LOC122539214: variants seen among roughly 807,000 people sequenced by gnomAD.
chr19:52,682,922 G>C, the LOC122539214 span, among the ~76,000 whole-genome samples: 1 of 152,126 alleles, frequency 6.6e-6, no homozygotes, highest in Non-Finnish European at 1.5e-5. Flanking sequence ...CCAGGCTGGA[G>C]TACAGTGGCA....
the LOC122539214 span, among the ~76,000 whole-genome samples, chr19:52,672,245 A>C: frequency 6.6e-6 from 1 of 152,208 alleles, no homozygotes; most frequent in African/African-American, 2.4e-5. Flanking sequence ...AAAAAATAAA[A>C]ATAAAAATAA....
chr19:52,683,226 C>CTGTGTGTG, the LOC122539214 span, among the ~76,000 whole-genome samples: 6 of 135,652 alleles, frequency 4.4e-5, no homozygotes, highest in African/African-American at 1.6e-4. Flanking sequence ...TGCCCTGTGA[C>CTGTGTGTG]TCTGTGTGTG....
the LOC122539214 span, among the ~76,000 whole-genome samples, chr19:52,659,079 T>A: frequency 6.6e-6 from 1 of 152,152 alleles, no homozygotes; most frequent in South Asian, 2.1e-4. Flanking sequence ...TGGGCCAGGG[T>A]CCGTGGGCAG....
chr19:52,685,930 A>C, the LOC122539214 span, among the ~76,000 whole-genome samples: 1 of 150,330 alleles, frequency 6.7e-6, no homozygotes, highest in African/African-American at 2.4e-5. Context: ...AAAAAAATAC[A>C]GGAGTGCTTC....
At chr19:52,668,713 A>G in the LOC122539214 span, among the ~76,000 whole-genome samples, 1 of 152,236 alleles carries the variant, frequency 6.6e-6, no homozygotes, top group African/African-American at 2.4e-5. Flanking sequence ...AAATGGATCA[A>G]ATATTCCCTC....
the LOC122539214 span, among the ~76,000 whole-genome samples, chr19:52,664,438 G>A: frequency 6.6e-6 from 1 of 152,050 alleles, no homozygotes; most frequent in Non-Finnish European, 1.5e-5. Flanking sequence ...TTATGCTGCG[G>A]TGAGCTCTGA....
At chr19:52,674,677 T>C in the LOC122539214 span, among the ~76,000 whole-genome samples, 1 of 151,348 alleles carries the variant, frequency 6.6e-6, no homozygotes. Flanking sequence ...TTCTAGAGAA[T>C]TTAAACTAAG....
At chr19:52,683,646 G>GACT in the LOC122539214 span, among the ~76,000 whole-genome samples, 1 of 152,194 alleles carries the variant, frequency 6.6e-6, no homozygotes, top group African/African-American at 2.4e-5. Context: ...GATGCCTCAG[G>GACT]ACTGGCTGAA....
the LOC122539214 span, among the ~76,000 whole-genome samples, chr19:52,673,063 C>T: frequency 2.4e-4 from 37 of 151,462 alleles, no homozygotes; most frequent in Non-Finnish European, 4.9e-4. Context: ...ACCAAAAATA[C>T]AAAAAAAACT....
At chr19:52,688,125 A>T in the LOC122539214 span, among the ~76,000 whole-genome samples, 1 of 152,006 alleles carries the variant, frequency 6.6e-6, no homozygotes, top group East Asian at 1.9e-4. Context: ...GTCACAACTA[A>T]TCATAGCCAA....
the LOC122539214 span, among the ~76,000 whole-genome samples, chr19:52,669,664 T>C: frequency 6.6e-6 from 1 of 152,078 alleles, no homozygotes; most frequent in South Asian, 2.1e-4. Flanking sequence ...AACTCAGGGG[T>C]AAATGACCCC....
chr19:52,673,349 C>A, the LOC122539214 span, among the ~76,000 whole-genome samples: 17 of 151,988 alleles, frequency 1.1e-4, no homozygotes, highest in African/African-American at 4.1e-4. Flanking sequence ...TAAAAAAATA[C>A]AAAATTAGCC....
At chr19:52,673,812 C>T in the LOC122539214 span, among the ~76,000 whole-genome samples, 3 of 151,268 alleles carry the variant, frequency 2.0e-5, no homozygotes, top group East Asian at 2.0e-4. Context: ...GTCAAAAGTT[C>T]GAGACCAGCC....
At chr19:52,676,884 A>C in the LOC122539214 span, among the ~76,000 whole-genome samples, 19 of 131,462 alleles carry the variant, frequency 1.4e-4, no homozygotes, top group Admixed American at 2.4e-4. Flanking sequence ...AAATGGATTA[A>C]GGGTGGTGCA....
At chr19:52,665,274 G>A in the LOC122539214 span, among the ~76,000 whole-genome samples, 4 of 152,114 alleles carry the variant, frequency 2.6e-5, no homozygotes, top group African/African-American at 9.7e-5. Flanking sequence ...CAGGGATGTG[G>A]GTGGGGTGGT....
chr19:52,660,659 A>G, the LOC122539214 span: 1 of 157,106 alleles, frequency 6.4e-6, no homozygotes, highest in Non-Finnish European at 1.4e-5. Flanking sequence ...AGTGCGAGCA[A>G]ACTTGTGACG....
At chr19:52,662,954 G>C in the LOC122539214 span, among the ~76,000 whole-genome samples, 2 of 152,126 alleles carry the variant, frequency 1.3e-5, no homozygotes, top group Admixed American at 6.5e-5. Flanking sequence ...CATGAGCCCA[G>C]GAGTTTGAGA....
At chr19:52,685,130 C>G in the LOC122539214 span, among the ~76,000 whole-genome samples, 1 of 152,208 alleles carries the variant, frequency 6.6e-6, no homozygotes. Flanking sequence ...GGGCACTCCC[C>G]TCTCCCAGAA....
At chr19:52,677,959 T>C in the LOC122539214 span, among the ~76,000 whole-genome samples, 2 of 151,594 alleles carry the variant, frequency 1.3e-5, no homozygotes, top group African/African-American at 4.9e-5. Flanking sequence ...TGCTTGAACC[T>C]GGGAGTCGGA....
Sources: gnomAD v4.1 joint callset for allele counts (sites outside exome capture counted in the v4.1 genomes callset) on GRCh38, gnomAD v4.1.1 for gene constraint, MANE v1.5 for transcripts.